The following FAM193A variants were observed in gnomAD, a reference collection of about 807,000 sequenced individuals.
FAM193A encodes the protein protein FAM193A.
Under a neutral mutation model 126.5 loss-of-function variants are expected in FAM193A, and 22 were observed. The observed-to-expected ratio is 0.17, with a 90% confidence interval of 0.12 to 0.25. The LOEUF (loss-of-function observed/expected upper bound fraction) is 0.25, where lower values mean the gene tolerates loss of function less well. Among genes scored for constraint, FAM193A ranks in the 10% least tolerant of loss-of-function variants. The probability of loss-of-function intolerance (pLI) is 1.00; values close to 1 mark genes in which losing one functional copy is unlikely to be tolerated. For missense variants in FAM193A, 1,675 were observed against 1,672.8 expected, an observed-to-expected ratio of 1.00 and a Z score of -0.02; for synonymous variants, 761 against 646.8, an observed-to-expected ratio of 1.18 and a Z score of -2.68.
At chr4:2,546,736 A>G (rs775081231) in intron 1 of FAM193A, among the ~76,000 whole-genome samples, 2 of 152,144 alleles carry the variant, frequency 1.3e-5, no homozygotes, top group Non-Finnish European at 2.9e-5. Flanking sequence ...AAACATGTCT[A>G]TACAGGATTT....
At chr4:2,728,424 G>A (rs959613837) in intron 20 of FAM193A, among the ~76,000 whole-genome samples, 3 of 151,918 alleles carry the variant, frequency 2.0e-5, no homozygotes, top group Middle Eastern at 3.4e-3. Context: ...GGGCAGTTTC[G>A]TTTTTCTATT....
intron 17 of FAM193A, 36 bp downstream of exon 17, chr4:2,695,165 A>C: frequency 6.6e-7 from 1 of 1,523,784 alleles, no homozygotes; most frequent in Admixed American, 2.2e-5. Context: ...TGATGTGGGA[A>C]GTGTGCAACA....
chr4:2,663,110 C>G lies in FAM193A; in HGVS notation c.1901C>G (p.Ser634Cys), dbSNP rs1231412923. ...GGENMALKDESPQISSTSSSS... is the reference protein window; with the variant it reads ...GGENMALKDECPQISSTSSSS... ...AATTACAAAAGATTGTCTTTAAAGT[C>G]TCCTCAGATAAGCAGTACCAGCAGT... is the stretch of plus-strand genomic sequence containing the variant. The change falls in exon 12 of 21, where the codon TCT becomes TGT. Residue 634 changes from serine to cysteine, a missense_variant and splice_region_variant. Around this residue, in one of 4 missense-constraint regions of FAM193A, gnomAD observed 1,186 missense variants for 1,109.2 expected, o/e 1.07. Coordinates refer to ENST00000637812, the MANE Select transcript of FAM193A (RefSeq NM_001366318.2). 2 of 1,610,636 alleles carry G rather than the reference C, an allele frequency of 1.2e-6. No homozygotes were observed. Among genetic ancestry groups the G allele is most frequent in the African/African-American group, 2.7e-5 (2 of 74,654 alleles).
intron 15 of FAM193A, among the ~76,000 whole-genome samples, chr4:2,693,370 G>A (rs923029384): frequency 3.3e-5 from 5 of 152,176 alleles, no homozygotes; most frequent in Non-Finnish European, 5.9e-5. Context: ...AGTTCATACC[G>A]AAGTGTTCAG....
At chr4:2,686,997 C>T (rs1389374648) in intron 13 of FAM193A, among the ~76,000 whole-genome samples, 2 of 152,132 alleles carry the variant, frequency 1.3e-5, no homozygotes, top group Non-Finnish European at 2.9e-5. Context: ...AAAACAATGA[C>T]TTCAGGCCCT....
chr4:2,618,535 C>A (rs1394866057), intron 2 of FAM193A, among the ~76,000 whole-genome samples: 2 of 150,928 alleles, frequency 1.3e-5, no homozygotes, highest in Non-Finnish European at 2.9e-5. Context: ...TCAAGTGATT[C>A]TCCTGCCTCA....
chr4:2,727,490 A>G (rs1467668338), intron 20 of FAM193A, among the ~76,000 whole-genome samples: 2 of 152,210 alleles, frequency 1.3e-5, no homozygotes, highest in Non-Finnish European at 2.9e-5. Context: ...ACAAAGTTAC[A>G]GTTCCTTAGA....
At chr4:2,690,349 T>A (rs1716224844) in intron 14 of FAM193A, among the ~76,000 whole-genome samples, 1 of 152,204 alleles carries the variant, frequency 6.6e-6, no homozygotes, top group Admixed American at 6.5e-5. Flanking sequence ...GACATCCTGA[T>A]CTGTGCTTAG....
chr4:2,611,520 C>T (rs1209937842), intron 2 of FAM193A, among the ~76,000 whole-genome samples: 3 of 152,052 alleles, frequency 2.0e-5, no homozygotes, highest in Admixed American at 6.6e-5. Flanking sequence ...GTGATCCACC[C>T]GCCTCAGCCT....
chr4:2,572,439 G>A lies in FAM193A; in HGVS notation c.256-23645G>A, dbSNP rs1739348037. On this transcript the variant is annotated intron_variant, in intron 1 of 20. Coordinates refer to ENST00000637812, the MANE Select transcript of FAM193A (RefSeq NM_001366318.2). ...GGAAACCAGATTGTCTGAGGTTGTG[G>A]CCCCACAGTGCTCGCTGCAGTGGGG... is the stretch of plus-strand genomic sequence containing the variant. Among the ~76,000 whole-genome samples, 3 of 152,160 alleles carry A rather than the reference G, an allele frequency of 2.0e-5. No individual in the cohort carries two copies. In the South Asian group the frequency reaches 6.2e-4, roughly 31 times the overall value.
intron 6 of FAM193A, among the ~76,000 whole-genome samples, chr4:2,642,379 C>G (rs1744724566): frequency 6.6e-6 from 1 of 152,180 alleles, no homozygotes; most frequent in African/African-American, 2.4e-5. Flanking sequence ...CAGACCCTTC[C>G]AGTGTTCCCT....
chr4:2,604,664 C>T (rs560375029), intron 2 of FAM193A, among the ~76,000 whole-genome samples: 1 of 151,062 alleles, frequency 6.6e-6, no homozygotes, highest in African/African-American at 2.5e-5. Context: ...TTTTTTTGCA[C>T]ATCTGCACAT....
chr4:2,565,457 C>T (rs544418071), intron 1 of FAM193A, among the ~76,000 whole-genome samples: 3 of 151,912 alleles, frequency 2.0e-5, no homozygotes, highest in East Asian at 1.9e-4. Context: ...AAGTTTTCAC[C>T]GTGTTGGCCA....
At chr4:2,662,816 T>TGA (rs1213009493) in intron 10 of FAM193A, 22 bp from the exon 11 acceptor site, 2 of 1,594,690 alleles carry the variant, frequency 1.3e-6, no homozygotes, top group East Asian at 4.5e-5. Flanking sequence ...GACCTCACAG[T>TGA]GACCATCTCT....
chr4:2,552,955 C>T (rs1458544213), intron 1 of FAM193A, among the ~76,000 whole-genome samples: 14 of 148,110 alleles, frequency 9.5e-5, no homozygotes, highest in Non-Finnish European at 2.1e-4. Context: ...TCAAGCAATT[C>T]TCTTGCCTCA....
chr4:2,641,253 G>A (rs1398053245), intron 6 of FAM193A, among the ~76,000 whole-genome samples: 2 of 151,430 alleles, frequency 1.3e-5, no homozygotes, highest in Non-Finnish European at 2.9e-5. Context: ...CACCATGTTG[G>A]CCAGGGTGGT....
At chr4:2,619,127 T>C (rs1436551228) in intron 2 of FAM193A, among the ~76,000 whole-genome samples, 1 of 152,196 alleles carries the variant, frequency 6.6e-6, no homozygotes, top group Non-Finnish European at 1.5e-5. Flanking sequence ...TTATGTCTTA[T>C]TTCTCAGCTC....
At chr4:2,657,977 A>G (rs1359823780) in intron 8 of FAM193A, 97 bp downstream of exon 8, 8 of 825,516 alleles carry the variant, frequency 9.7e-6, no homozygotes, top group Non-Finnish European at 8.1e-6. Context: ...TTAGAACAGC[A>G]TTGGAGGACC....
intron 2 of FAM193A, among the ~76,000 whole-genome samples, chr4:2,603,288 TTG>T (rs1217874000): frequency 1.7e-4 from 1 of 5,872 alleles, no homozygotes; most frequent in Non-Finnish European, 3.2e-4. Context: ...CTGGCTTTTT[TTG>T]TTTTTTTTTT....
Sources: gnomAD v4.1 joint callset for allele counts (sites outside exome capture counted in the v4.1 genomes callset) on GRCh38, gnomAD v4.1.1 for gene constraint, gnomAD v4.1.1 regional missense constraint, MANE v1.5 for transcripts, NCBI Gene and HGNC (gene_info 2026-07-23, HGNC 2026-07-21) for gene names.